Variants in HEXIM2 observed in about 807,000 individuals in gnomAD.
The protein encoded by HEXIM2 is HEXIM P-TEFb complex subunit 2.
For missense variants in HEXIM2, 413 were observed against 390.8 expected, an observed-to-expected ratio of 1.06 and a Z score of -0.48; for synonymous variants, 159 against 162.7, an observed-to-expected ratio of 0.98 and a Z score of 0.17.
At chr17:45,165,912 A>G (rs1041091877) in intron 3 of HEXIM2, among the ~76,000 whole-genome samples, 2 of 152,058 alleles carry the variant, frequency 1.3e-5, no homozygotes, top group African/African-American at 4.8e-5. Flanking sequence ...CTCCTACCTC[A>G]GCCTCCCAAG....
At chr17:45,161,789 G>C, upstream of HEXIM2, 1 of 979,228 alleles carries the variant, frequency 1.0e-6, no homozygotes, top group Non-Finnish European at 1.2e-6. Flanking sequence ...TGGAGTCTCG[G>C]GTGTGGCTGT....
At chr17:45,161,293 G>T (rs1034522462), upstream of HEXIM2, 15 of 312,492 alleles carry the variant, frequency 4.8e-5, no homozygotes, top group South Asian at 1.0e-4. Context: ...CGAGGCTGCG[G>T]GGCTGCCGGG....
In HEXIM2 at chr17:45,162,646, C is replaced by A; in HGVS notation, c.-45+11C>A. ...CATTTGAGAATAAGGGTATGAAGGG[C>A]TGGGGTACAAAATGGCTGCCACTGC... On this transcript the variant is annotated intron_variant, in intron 2 of 3. Transcript: ENST00000589230. The A allele has an allele frequency of 1.3e-6, 2 of 1,527,708 alleles. No homozygotes were observed. Among genetic ancestry groups the A allele is most frequent in the Admixed American group, 2.0e-5 (1 of 51,160 alleles). 94.6% of individuals were successfully genotyped at this position (1,527,708 alleles called of 1,614,324 possible). A position where few individuals can be genotyped will look rare whatever the true frequency, so the allele number is the denominator to read the frequency against.
At position 45,162,740 on chromosome 17, in the gene HEXIM2, T is replaced by C. The variant is rs767983103; in HGVS notation, c.-44-10T>C. On this transcript the variant is annotated splice_polypyrimidine_tract_variant and intron_variant, in intron 2 of 3. Coordinates refer to ENST00000589230, the MANE Select transcript of HEXIM2 (RefSeq NM_001303441.2). ...TTCAGGATTTAGGTTTCTGTTGTTG[T>C]TCAAAGCAGGTGTCACTAGTTCCAG... 6 of 1,611,918 alleles carry C rather than the reference T, an allele frequency of 3.7e-6. No homozygotes were observed. In the African/African-American group the frequency reaches 6.7e-5, roughly 18 times the overall value.
At position 45,163,325 on chromosome 17, in the gene HEXIM2, C is replaced by CAAAA. The variant is rs11423159; in HGVS notation, c.66+487_66+490dup. Among the ~76,000 whole-genome samples the CAAAA allele has an allele frequency of 7.4e-3, 581 of 78,554 alleles. 23 individuals are homozygous for CAAAA. The highest frequency in any genetic ancestry group is 0.032 in the Admixed American group (201 of 6,302). The allele number at this position is 78,554 out of a possible 152,430, so 51.5% of individuals were successfully genotyped here. On this transcript the variant is annotated intron_variant, in intron 3 of 3. Transcript: ENST00000589230. ...TGGGCGTCAGAGCGAGACTCCGTCT[C>CAAAA]AAAAAAAAAAAAAAAAAAAAAAAAT...
chr17:45,169,629 G>T lies in HEXIM2; in HGVS notation c.681G>T (p.Ala227=). 1.3e-6 allele frequency: 2 copies of T among 1,536,032 alleles called. No homozygotes were observed. The highest frequency in any genetic ancestry group is 2.5e-5 in the East Asian group (1 of 40,722). Residue 227 remains alanine (A), a synonymous_variant, in exon 4 of 4, where the codon GCG becomes GCT. Coordinates refer to ENST00000589230, the MANE Select transcript of HEXIM2 (RefSeq NM_001303441.2). ...YLELEKRLSQ[A]EEETRRLQQL... is the part of the protein sequence containing the mutation. ...AGCTGGAGAAGCGGCTGTCGCAGGC[G>T]GAGGAGGAGACTAGGAGGCTGCAGC...
intron 2 of HEXIM2, 52 bp from the exon 3 acceptor site, chr17:45,162,698 A>C (rs894669476): frequency 5.6e-6 from 9 of 1,602,212 alleles, no homozygotes; most frequent in Non-Finnish European, 7.7e-6. Flanking sequence ...GGGCAGCCAG[A>C]GTATTCCTGA....
upstream of HEXIM2, chr17:45,161,868 C>T (rs560972456): frequency 6.8e-4 from 671 of 985,796 alleles, 1 homozygote; most frequent in Admixed American, 5.3e-3. Context: ...CACCGCGCGT[C>T]CAGGCTCTCT....
intron 3 of HEXIM2, chr17:45,168,810 C>T (rs376793017): frequency 3.3e-6 from 2 of 610,176 alleles, no homozygotes; most frequent in African/African-American, 1.8e-5. Context: ...TTCCTGCTCT[C>T]ACCATGAGTT....
At chr17:45,160,863 A>C, upstream of HEXIM2, 1 of 1,270,556 alleles carries the variant, frequency 7.9e-7, no homozygotes, top group Non-Finnish European at 1.0e-6. Context: ...CCCAGGGGGA[A>C]TTAGTGGTTG....
upstream of HEXIM2, chr17:45,161,205 C>T (rs2042673495): frequency 5.6e-6 from 2 of 356,216 alleles, no homozygotes; most frequent in Non-Finnish European, 1.1e-5. Flanking sequence ...AGAGGGAAGC[C>T]GTTTCACCAG....
chr17:45,169,308 G>A lies in HEXIM2; in HGVS notation c.360G>A (p.Gln120=), dbSNP rs1397670248. The A allele has an allele frequency of 2.5e-6, 4 of 1,613,882 alleles. No homozygotes were observed. Among genetic ancestry groups the A allele is most frequent in the Admixed American group, 1.7e-5 (1 of 60,014 alleles). The change falls in exon 4 of 4, where the codon CAG becomes CAA. Residue 120 remains glutamine, a synonymous_variant. Transcript: ENST00000589230. ...WAEKQQRDER[Q]SQRASRVREE... is the part of the protein sequence containing the mutation. ...AGAAACAACAGCGGGATGAGAGGCA[G>A]AGCCAGAGGGCCTCCCGGGTCCGCG... is the stretch of plus-strand genomic sequence containing the variant.
intron 3 of HEXIM2, among the ~76,000 whole-genome samples, chr17:45,165,989 G>A (rs1281209777): frequency 6.6e-6 from 1 of 151,890 alleles, no homozygotes; most frequent in African/African-American, 2.4e-5. Flanking sequence ...TAGAGACGGG[G>A]TTTGGCCATG....
At chr17:45,167,714 C>G (rs986884111) in intron 3 of HEXIM2, among the ~76,000 whole-genome samples, 1 of 152,100 alleles carries the variant, frequency 6.6e-6, no homozygotes, top group African/African-American at 2.4e-5. Flanking sequence ...GCAAGCTCCG[C>G]GTCCCGACTA....
intron 3 of HEXIM2, among the ~76,000 whole-genome samples, chr17:45,163,974 G>A (rs1226619687): frequency 1.3e-5 from 2 of 151,618 alleles, no homozygotes; most frequent in African/African-American, 4.9e-5. Context: ...GGCCAACATG[G>A]TGAAACTCTG....
Position 45,169,867 on chromosome 17 carries a change from C to T in HEXIM2, c.*58C>T. 7.3e-7 allele frequency: 1 copy of T among 1,374,472 alleles called. No homozygotes were observed. The highest frequency in any genetic ancestry group is 9.5e-7 in the Non-Finnish European group (1 of 1,055,408). 85.1% of individuals were successfully genotyped at this position (1,374,472 alleles called of 1,614,324 possible). On this transcript the variant is annotated 3_prime_UTR_variant, in exon 4 of 4. Coordinates refer to ENST00000589230, the MANE Select transcript of HEXIM2 (RefSeq NM_001303441.2). ...AGGTCCCATTTCGTGCACACTCAGG[C>T]CAGCTGGGTCTCAAGGAGGCAGGTG...
At chr17:45,160,952 G>C (rs2042666132), upstream of HEXIM2, 1 of 1,289,696 alleles carries the variant, frequency 7.8e-7, no homozygotes, top group Non-Finnish European at 1.0e-6. Context: ...AGGTAAGGTG[G>C]GTGCACTGGG....
At chr17:45,166,760 A>G (rs939547484) in intron 3 of HEXIM2, among the ~76,000 whole-genome samples, 14 of 152,156 alleles carry the variant, frequency 9.2e-5, no homozygotes, top group African/African-American at 3.4e-4. Context: ...GTGGTGGCTC[A>G]CACCTGTAAT....
At position 45,162,878 on chromosome 17, in the gene HEXIM2, G is replaced by A. The variant is rs374065947; in HGVS notation, c.66+19G>A. The A allele has an allele frequency of 7.2e-6, 11 of 1,518,534 alleles. No individual in the cohort carries two copies. The highest frequency in any genetic ancestry group is 1.4e-5 in the African/African-American group (1 of 72,972). 94.1% of individuals were successfully genotyped at this position (1,518,534 alleles called of 1,614,324 possible). On this transcript the variant is annotated intron_variant, in intron 3 of 3. Transcript: ENST00000589230. ...GGCCAAGGTAAGTCCCTGCCCTCCTGCCCACCCAAGCACCACGAGCACGGG... is the reference window on the plus strand; with the variant it reads ...GGCCAAGGTAAGTCCCTGCCCTCCTACCCACCCAAGCACCACGAGCACGGG...
Sources: allele counts gnomAD v4.1 joint callset (sites outside exome capture counted in the v4.1 genomes callset), GRCh38; gene constraint gnomAD v4.1.1; transcripts MANE v1.5; gene names NCBI Gene and HGNC (gene_info 2026-07-23, HGNC 2026-07-21).